Variants in SPAG9 observed in about 807,000 individuals in gnomAD.
SPAG9 encodes the protein C-Jun-amino-terminal kinase-interacting protein 4.
In SPAG9, 35 loss-of-function variants were observed where a neutral mutation model predicts 166.5. The observed-to-expected ratio is 0.21, with a 90% CI of 0.16 to 0.28. The LOEUF is 0.28. SPAG9 is among the 10% of genes least tolerant of loss of function. SPAG9 has a pLI of 1.00. For missense variants in SPAG9, 1,235 were observed against 1,603.3 expected (o/e 0.77, Z 3.92); for synonymous variants, 534 against 565.5 (o/e 0.94, Z 0.79).
chr17:51,013,326 T>C (rs542215757), intron 9 of SPAG9, among the ~76,000 whole-genome samples: 5 of 152,266 alleles, frequency 3.3e-5, no homozygotes, highest in Admixed American at 2.0e-4. Context: ...CAAAACTAAT[T>C]CATAGGAGCC....
At chr17:51,109,023 C>G (rs2049030758) in intron 1 of SPAG9, among the ~76,000 whole-genome samples, 1 of 151,590 alleles carries the variant, frequency 6.6e-6, no homozygotes, top group Admixed American at 6.6e-5. Context: ...CCACCAAGCC[C>G]AGCTACTTTT....
chr17:50,995,631 G>A (rs982624447), intron 16 of SPAG9, 98 bp from the exon 17 acceptor site: 6 of 751,882 alleles, frequency 8.0e-6, no homozygotes, highest in African/African-American at 7.0e-5. Flanking sequence ...AAGCACTGCT[G>A]TTATTTACTC....
chr17:50,979,988 T>C (rs1974476258), intron 25 of SPAG9, 71 bp from the exon 26 acceptor site: 2 of 1,439,778 alleles, frequency 1.4e-6, no homozygotes, highest in Admixed American at 1.8e-5. Context: ...TGTGCTAATT[T>C]GCACAAGTTA....
At chr17:51,040,607 G>A (rs1320253300) in intron 5 of SPAG9, among the ~76,000 whole-genome samples, 1 of 152,174 alleles carries the variant, frequency 6.6e-6, no homozygotes, top group African/African-American at 2.4e-5. Context: ...CAAGTGCTGG[G>A]GGATACAGCA....
At chr17:51,053,847 A>T (rs1242937849) in intron 3 of SPAG9, among the ~76,000 whole-genome samples, 54 of 74,466 alleles carry the variant, frequency 7.3e-4, no homozygotes, top group African/African-American at 3.1e-3. Context: ...AAAAAAAAAA[A>T]AAAAAAAGTA....
In SPAG9 at chr17:50,962,965, T is replaced by C. The variant is rs1415132770; in HGVS notation, c.*3307A>G. ...GAGATTCATTCCTATTTTTAAAATT[T>C]AGATCCACATGGGTTAGAGAAAAAT... On this transcript the variant is annotated 3_prime_UTR_variant, in exon 30 of 30. Coordinates refer to ENST00000262013, the MANE Select transcript of SPAG9 (RefSeq NM_001130528.3). The C allele has an allele frequency of 6.6e-6, 1 of 152,232 alleles. No individual in the cohort carries two copies. Among genetic ancestry groups the C allele is most frequent in the African/African-American group, 2.4e-5 (1 of 41,464 alleles). The allele number at this position is 152,232 out of a possible 1,614,324, so 9.4% of individuals were successfully genotyped here. A position where few individuals can be genotyped will look rare whatever the true frequency, so the allele number is the denominator to read the frequency against.
chr17:51,046,729 G>A (rs1295005728), intron 4 of SPAG9: 1 of 1,535,666 alleles, frequency 6.5e-7, no homozygotes, highest in Admixed American at 2.0e-5. Context: ...GGGTATCTTT[G>A]TAGTGAGGAT....
intron 6 of SPAG9, among the ~76,000 whole-genome samples, chr17:51,029,888 T>C (rs576324313): frequency 6.6e-6 from 1 of 152,302 alleles, no homozygotes; most frequent in South Asian, 2.1e-4. Context: ...ACTTACACTA[T>C]TGAACTATAT....
chr17:51,108,341 T>G (rs1369616907), intron 1 of SPAG9, among the ~76,000 whole-genome samples: 1 of 147,042 alleles, frequency 6.8e-6, no homozygotes, highest in African/African-American at 2.5e-5. Context: ...GAGATGAAAT[T>G]GCACCACTAC....
At chr17:51,037,712 G>A (rs2046672812) in intron 5 of SPAG9, among the ~76,000 whole-genome samples, 2 of 120,502 alleles carry the variant, frequency 1.7e-5, no homozygotes, top group Admixed American at 9.3e-5. Flanking sequence ...GTGTGTGTGT[G>A]TGTGTGTGTA....
At chr17:51,105,955 C>A (rs1441121152) in intron 1 of SPAG9, among the ~76,000 whole-genome samples, 4 of 151,938 alleles carry the variant, frequency 2.6e-5, no homozygotes, top group African/African-American at 9.7e-5. Flanking sequence ...TTCACTGCTG[C>A]TTGCTTGGTT....
At chr17:51,077,431 T>G (rs910947893) in intron 2 of SPAG9, among the ~76,000 whole-genome samples, 1 of 151,726 alleles carries the variant, frequency 6.6e-6, no homozygotes, top group Non-Finnish European at 1.5e-5. Context: ...CTTGTCTCTA[T>G]TTAAAAAAAA....
intron 2 of SPAG9, among the ~76,000 whole-genome samples, chr17:51,075,358 T>C (rs1940921985): frequency 6.6e-6 from 1 of 152,062 alleles, no homozygotes. Flanking sequence ...TTAGATACTT[T>C]TGGGAAAAAA....
intron 3 of SPAG9, among the ~76,000 whole-genome samples, chr17:51,053,762 C>T (rs1421567586): frequency 3.4e-5 from 5 of 146,226 alleles, no homozygotes; most frequent in Admixed American, 6.9e-5. Context: ...TGCTTGAGCC[C>T]GGGAGGTTGA....
At chr17:51,101,345 CAAAAAAAAAAA>C (rs60896400) in intron 1 of SPAG9, among the ~76,000 whole-genome samples, 4 of 92,002 alleles carry the variant, frequency 4.3e-5, no homozygotes, top group East Asian at 7.8e-4. Flanking sequence ...GATTCTGTCT[CAAAAAAAAAAA>C]AAAAAAAAAA....
chr17:51,077,840 G>A (rs891356878), intron 2 of SPAG9, among the ~76,000 whole-genome samples: 9 of 151,742 alleles, frequency 5.9e-5, no homozygotes, highest in African/African-American at 1.5e-4. Context: ...TGGTAGAGAC[G>A]GGGTTTCACC....
At chr17:50,980,474 G>C (rs1567958207) in intron 25 of SPAG9, among the ~76,000 whole-genome samples, 2 of 151,738 alleles carry the variant, frequency 1.3e-5, no homozygotes, top group South Asian at 4.2e-4. Context: ...CAAAGTGCTG[G>C]GATTACAAGC....
At chr17:51,072,868 A>G (rs527711393) in intron 2 of SPAG9, among the ~76,000 whole-genome samples, 10 of 152,286 alleles carry the variant, frequency 6.6e-5, no homozygotes, top group Admixed American at 3.3e-4. Context: ...ATACTTAAAG[A>G]TTACTTCCTA....
At position 51,077,093 on chromosome 17, in the gene SPAG9, T is replaced by TCTAG. The variant is rs879689153; in HGVS notation, c.424+2490_424+2491insCTAG. On this transcript the variant is annotated intron_variant, in intron 2 of 29. Transcript: ENST00000262013. ...AGCTATCTAGCTATCTAGCTAGCTATCTATCTAGCTAGCTATCTAGCTATC... is the reference window on the plus strand; with the variant it reads ...AGCTATCTAGCTATCTAGCTAGCTATCTAGCTATCTAGCTAGCTATCTAGCTATC... 2.3e-3 allele frequency among the ~76,000 whole-genome samples: 131 copies of TCTAG among 56,040 alleles called. 1 individual carries two copies. The highest frequency in any genetic ancestry group is 6.0e-3 in the African/African-American group (90 of 14,912). The allele number at this position is 56,040 out of a possible 152,430, so 36.8% of individuals were successfully genotyped here. A position where few individuals can be genotyped will look rare whatever the true frequency, so the allele number is the denominator to read the frequency against.
Sources: allele counts gnomAD v4.1 joint callset (sites outside exome capture counted in the v4.1 genomes callset), GRCh38; gene constraint gnomAD v4.1.1; transcripts MANE v1.5; gene names NCBI Gene and HGNC (gene_info 2026-07-23, HGNC 2026-07-21).